The following SYNE1 variants were observed in gnomAD, a reference collection of about 807,000 sequenced individuals.
The protein encoded by SYNE1 is nesprin-1.
Under a neutral mutation model 1,111.0 loss-of-function variants are expected in SYNE1, and 616 were observed. That is an observed-to-expected ratio of 0.55 (90% confidence interval 0.52 to 0.59). The LOEUF (loss-of-function observed/expected upper bound fraction) is 0.59. Among genes scored for constraint, SYNE1 ranks in the 20% least tolerant of loss-of-function variants. SYNE1 has a pLI of 0.00. For synonymous variants in SYNE1, 3,855 were observed against 3,825.8 expected (o/e 1.01, Z -0.28); for missense variants, 10,006 against 10,417.0 (o/e 0.96, Z 1.72).
At chr6:152,531,417 G>A (rs2099200828) in intron 4 of SYNE1, among the ~76,000 whole-genome samples, 1 of 152,194 alleles carries the variant, frequency 6.6e-6, no homozygotes, top group African/African-American at 2.4e-5. Context: ...ATCAGGTTCA[G>A]TACTGTCTGT....
At chr6:152,283,573 G>C (rs532163026) in intron 96 of SYNE1, among the ~76,000 whole-genome samples, 1 of 152,192 alleles carries the variant, frequency 6.6e-6, no homozygotes, top group East Asian at 1.9e-4. Flanking sequence ...GTCTCGCTCT[G>C]TTGCCCAGGC....
At chr6:152,501,536 A>G (rs1358953372) in intron 10 of SYNE1, among the ~76,000 whole-genome samples, 1 of 152,178 alleles carries the variant, frequency 6.6e-6, no homozygotes, top group Non-Finnish European at 1.5e-5. Context: ...GGAGTCTGAG[A>G]CTAGCCTGGC....
intron 3 of SYNE1, among the ~76,000 whole-genome samples, chr6:152,548,824 C>T (rs2099327187): frequency 6.6e-6 from 1 of 152,104 alleles, no homozygotes; most frequent in South Asian, 2.1e-4. Flanking sequence ...AATCAATTTC[C>T]CTTCCCCTTG....
At chr6:152,274,265 A>T (rs534507215) in intron 98 of SYNE1, among the ~76,000 whole-genome samples, 2 of 152,170 alleles carry the variant, frequency 1.3e-5, no homozygotes, top group Non-Finnish European at 2.9e-5. Context: ...GTGAAAAGTT[A>T]TATTTTTTAT....
At chr6:152,156,171 T>C in intron 131 of SYNE1, 74 bp from the exon 132 acceptor site, 2 of 1,491,658 alleles carry the variant, frequency 1.3e-6, no homozygotes, top group Admixed American at 1.7e-5. Flanking sequence ...CAACCTATGT[T>C]GGTAAATGGC....
intron 110 of SYNE1, among the ~76,000 whole-genome samples, chr6:152,235,066 G>T (rs1386884762): frequency 6.6e-6 from 1 of 152,096 alleles, no homozygotes; most frequent in Non-Finnish European, 1.5e-5. Context: ...GAAAATATTA[G>T]ATGATGGTTA....
chr6:152,415,250 T>A (rs2098133565), intron 41 of SYNE1, among the ~76,000 whole-genome samples: 1 of 152,224 alleles, frequency 6.6e-6, no homozygotes, highest in African/African-American at 2.4e-5. Context: ...AGGGAACTTA[T>A]CTTTGACCCG....
chr6:152,170,990 C>T (rs1292697098), intron 130 of SYNE1, among the ~76,000 whole-genome samples: 1 of 152,146 alleles, frequency 6.6e-6, no homozygotes, highest in Non-Finnish European at 1.5e-5. Context: ...TTTTGCCTGG[C>T]TTTCATTCTC....
chr6:152,397,784 T>C (rs573723231), intron 49 of SYNE1, among the ~76,000 whole-genome samples: 2 of 152,206 alleles, frequency 1.3e-5, no homozygotes, highest in East Asian at 1.9e-4. Flanking sequence ...GTGGATCACC[T>C]GAGGTCAGGA....
intron 45 of SYNE1, among the ~76,000 whole-genome samples, 197 bp downstream of exon 45, chr6:152,406,817 G>A (rs1025014802): frequency 5.3e-5 from 8 of 151,884 alleles, no homozygotes; most frequent in East Asian, 3.9e-4. Flanking sequence ...GCAGTGAGCC[G>A]AGATCTGGAG....
intron 104 of SYNE1, among the ~76,000 whole-genome samples, chr6:152,253,859 T>TTTTTTTTTTTA: frequency 8.2e-6 from 1 of 122,538 alleles, no homozygotes. Flanking sequence ...TTTTTTTTTT[T>TTTTTTTTTTTA]TGCAAATCAA....
intron 3 of SYNE1, among the ~76,000 whole-genome samples, chr6:152,541,563 A>G (rs1182419821): frequency 1.3e-5 from 2 of 152,130 alleles, no homozygotes; most frequent in Middle Eastern, 3.4e-3. Flanking sequence ...CCTGGCTAAC[A>G]CGGTGAAACC....
intron 55 of SYNE1, among the ~76,000 whole-genome samples, chr6:152,382,256 C>G (rs2097431954): frequency 6.6e-6 from 1 of 151,990 alleles, no homozygotes; most frequent in African/African-American, 2.4e-5. Context: ...AAAATTATGA[C>G]TTTACTACCG....
chr6:152,590,030 C>G (rs1252526795), intron 3 of SYNE1, among the ~76,000 whole-genome samples: 2 of 150,866 alleles, frequency 1.3e-5, no homozygotes, highest in East Asian at 3.9e-4. Context: ...GAACCCTAGG[C>G]TCAAGCAACC....
chr6:152,447,161 A>G (rs2098600037), intron 29 of SYNE1, among the ~76,000 whole-genome samples: 2 of 152,192 alleles, frequency 1.3e-5, no homozygotes, highest in African/African-American at 4.8e-5. Flanking sequence ...ATTTATCTTA[A>G]GCTGACCATA....
intron 101 of SYNE1, among the ~76,000 whole-genome samples, chr6:152,257,109 A>G (rs768457925): frequency 6.0e-4 from 91 of 152,318 alleles, no homozygotes; most frequent in Non-Finnish European, 8.8e-4. Context: ...GAATGTCTCT[A>G]CCGCAAAGAA....
At chr6:152,618,093 T>G (rs767591183) in intron 3 of SYNE1, among the ~76,000 whole-genome samples, 4 of 152,206 alleles carry the variant, frequency 2.6e-5, no homozygotes, top group Non-Finnish European at 5.9e-5. Flanking sequence ...TGTTGTGTTT[T>G]GAAAGATCTT....
chr6:152,334,836 C>T (rs2096343443), intron 76 of SYNE1, among the ~76,000 whole-genome samples: 2 of 152,142 alleles, frequency 1.3e-5, no homozygotes, highest in South Asian at 4.2e-4. Flanking sequence ...CAGGTCTCAG[C>T]CTCATTTTAC....
At position 152,189,380 on chromosome 6, in the gene SYNE1, T is replaced by C; in HGVS notation, c.23173A>G (p.Thr7725Ala). 1 of 1,614,112 alleles carries C rather than the reference T, an allele frequency of 6.2e-7. No homozygotes were observed. Among genetic ancestry groups the C allele is most frequent in the Non-Finnish European group, 8.5e-7 (1 of 1,180,004 alleles). Residue 7725 changes from threonine (T) to alanine (A), a missense_variant, in exon 128 of 146, where the codon ACA becomes GCA. Coordinates refer to ENST00000367255, the MANE Select transcript of SYNE1 (RefSeq NM_182961.4). ...KELENAVGSW[T>A]DDLTQLSLLK... ...AGGCTCAACTGGGTCAAGTCATCTGTCCAGCTCCCAACTGCATTTTCTAAT... is the reference window on the plus strand; with the variant it reads ...AGGCTCAACTGGGTCAAGTCATCTGCCCAGCTCCCAACTGCATTTTCTAAT...
Sources: gnomAD v4.1 joint callset for allele counts (sites outside exome capture counted in the v4.1 genomes callset) on GRCh38, gnomAD v4.1.1 for gene constraint, MANE v1.5 for transcripts, NCBI Gene and HGNC (gene_info 2026-07-23, HGNC 2026-07-21) for gene names.